The following PARP8 variants were observed in gnomAD, a reference collection of about 807,000 sequenced individuals.
PARP8 encodes the protein protein mono-ADP-ribosyltransferase PARP8.
A neutral mutation model predicts 124.1 loss-of-function variants in PARP8; 51 were observed. The observed-to-expected ratio is 0.41, with a 90% confidence interval of 0.33 to 0.52. The LOEUF (loss-of-function observed/expected upper bound fraction) is 0.52. PARP8 is among the 20% of genes least tolerant of loss of function. The probability of loss-of-function intolerance (pLI) is 0.21; values close to 1 mark genes in which losing one functional copy is unlikely to be tolerated. For synonymous variants in PARP8, 391 were observed against 361.5 expected (o/e 1.08, Z -0.93); for missense variants, 860 against 1,018.9 (o/e 0.84, Z 2.12).
intron 14 of PARP8, among the ~76,000 whole-genome samples, chr5:50,812,878 A>C (rs1481142521): frequency 6.6e-6 from 1 of 152,052 alleles, no homozygotes; most frequent in East Asian, 1.9e-4. Context: ...TGTTTTTGTC[A>C]GGTTTGTCAA....
At chr5:50,712,956 A>G (rs1372465346) in intron 2 of PARP8, among the ~76,000 whole-genome samples, 3 of 151,926 alleles carry the variant, frequency 2.0e-5, no homozygotes, top group Non-Finnish European at 2.9e-5. Flanking sequence ...AACTCAATAC[A>G]GAGATGTAAT....
intron 6 of PARP8, 53 bp downstream of exon 6, chr5:50,761,951 T>C: frequency 8.4e-7 from 1 of 1,189,404 alleles, no homozygotes. Context: ...AATAGCCATG[T>C]TGTCCTAGTG....
In PARP8 at chr5:50,827,945, A is replaced by G. The variant is rs762063340; in HGVS notation, c.1979A>G (p.Gln660Arg). Residue 660 changes from glutamine to arginine, a missense_variant and splice_region_variant, in exon 20 of 26, where the codon CAA becomes CGA. Physicochemically the swap from Gln to Arg is conservative, Grantham distance 43. This residue lies in a region of PARP8 where 343 missense variants were observed against 474.7 expected (regional missense o/e 0.72). Coordinates refer to ENST00000281631, the MANE Select transcript of PARP8 (RefSeq NM_024615.4). ...SHIVKLPVNRQLKFMHTPHQF... is the reference protein window; with the variant it reads ...SHIVKLPVNRRLKFMHTPHQF... Reference sequence around the variant, plus strand: ...GTTTGTCTTTATCTTAAATGGCAGCAATTGAAGTTTATGCATACTCCACAT... The same window carrying G: ...GTTTGTCTTTATCTTAAATGGCAGCGATTGAAGTTTATGCATACTCCACAT... 1.2e-5 allele frequency: 19 copies of G among 1,599,878 alleles called. No individual in the cohort carries two copies. The highest frequency in any genetic ancestry group is 1.5e-5 in the Non-Finnish European group (18 of 1,167,648).
chr5:50,787,347 C>T (rs1741375158), intron 9 of PARP8, among the ~76,000 whole-genome samples: 1 of 152,004 alleles, frequency 6.6e-6, no homozygotes, highest in African/African-American at 2.4e-5. Flanking sequence ...CTTGTTCAGT[C>T]CTCTCCCTAC....
chr5:50,788,407 T>G (rs1192568174), intron 9 of PARP8, 116 bp from the exon 10 acceptor site: 3 of 829,076 alleles, frequency 3.6e-6, no homozygotes, highest in Non-Finnish European at 5.9e-6. Context: ...ATGTACACTG[T>G]TTTTAAATGT....
intron 7 of PARP8, among the ~76,000 whole-genome samples, chr5:50,765,909 T>C (rs1761010371): frequency 6.6e-6 from 1 of 152,198 alleles, no homozygotes; most frequent in African/African-American, 2.4e-5. Context: ...TTTTACCTAA[T>C]TGGGGCTTAC....
chr5:50,764,958 T>A (rs1341909825), intron 7 of PARP8, among the ~76,000 whole-genome samples: 4 of 152,114 alleles, frequency 2.6e-5, no homozygotes, highest in Non-Finnish European at 5.9e-5. Context: ...AACTTCTTTT[T>A]TTTTGAAATA....
chr5:50,723,514 G>T (rs1288849315), intron 2 of PARP8, among the ~76,000 whole-genome samples: 2 of 151,954 alleles, frequency 1.3e-5, no homozygotes, highest in Admixed American at 1.3e-4. Context: ...GTGTGTGGTT[G>T]ATTTGTATTT....
chr5:50,715,146 C>T (rs1755166599), intron 2 of PARP8, among the ~76,000 whole-genome samples: 1 of 152,038 alleles, frequency 6.6e-6, no homozygotes, highest in Non-Finnish European at 1.5e-5. Flanking sequence ...CACTTCAGCA[C>T]TCTCAAAAGA....
chr5:50,747,115 TCTACTCATCTACTTATTCAGTTATGG>T, intron 2 of PARP8, among the ~76,000 whole-genome samples: 1 of 151,530 alleles, frequency 6.6e-6, no homozygotes, highest in South Asian at 2.1e-4. Flanking sequence ...ATACTTCTTT[TCTACTCATCTACTTATTCAGTTATGG>T]TTTTTTTTGT....
At chr5:50,805,878 A>T (rs937226830) in intron 14 of PARP8, among the ~76,000 whole-genome samples, 13 of 152,038 alleles carry the variant, frequency 8.6e-5, no homozygotes, top group African/African-American at 3.1e-4. Flanking sequence ...AATAACTGCA[A>T]TTTTGTCATT....
At chr5:50,838,356 A>G (rs1288309207) in intron 25 of PARP8, among the ~76,000 whole-genome samples, 1 of 152,092 alleles carries the variant, frequency 6.6e-6, no homozygotes, top group Non-Finnish European at 1.5e-5. Flanking sequence ...CCCCTAGAAT[A>G]TATCAAAAGG....
chr5:50,684,615 G>A (rs1316167957), intron 2 of PARP8, among the ~76,000 whole-genome samples: 1 of 152,068 alleles, frequency 6.6e-6, no homozygotes, highest in East Asian at 1.9e-4. Flanking sequence ...AATCACATGA[G>A]CCTGTCAGAG....
rs1235400974 is a variant in PARP8, at chr5:50,845,400, G to T, written c.*3332G>T. The T allele has an allele frequency of 2.0e-5, 3 of 151,564 alleles. No homozygotes were observed. Among genetic ancestry groups the T allele is most frequent in the Non-Finnish European group, 4.4e-5 (3 of 67,740 alleles). 9.4% of individuals were successfully genotyped at this position (151,564 alleles called of 1,614,324 possible). On this transcript the variant is annotated 3_prime_UTR_variant, in exon 26 of 26. Coordinates refer to ENST00000281631, the MANE Select transcript of PARP8 (RefSeq NM_024615.4). ...GGTCATCTACCGTCTAAATAAATACGGATTTCATGGTGGCATTTGAAGCAC... is the reference window on the plus strand; with the variant it reads ...GGTCATCTACCGTCTAAATAAATACTGATTTCATGGTGGCATTTGAAGCAC...
At chr5:50,818,130 G>T (rs1377014525) in intron 15 of PARP8, among the ~76,000 whole-genome samples, 1 of 148,720 alleles carries the variant, frequency 6.7e-6, no homozygotes, top group African/African-American at 2.5e-5. Context: ...ATTCTATTTA[G>T]AATCTTTAAT....
At chr5:50,670,950 A>C (rs1749941180) in intron 2 of PARP8, among the ~76,000 whole-genome samples, 1 of 152,216 alleles carries the variant, frequency 6.6e-6, no homozygotes, top group Non-Finnish European at 1.5e-5. Flanking sequence ...ATACGGTAAG[A>C]TTAATTTATT....
chr5:50,716,681 C>T (rs1313326000), intron 2 of PARP8, among the ~76,000 whole-genome samples: 1 of 151,916 alleles, frequency 6.6e-6, no homozygotes, highest in African/African-American at 2.4e-5. Context: ...AAAACAGTGG[C>T]CTGTGGTAGG....
intron 2 of PARP8, among the ~76,000 whole-genome samples, chr5:50,713,003 A>G (rs1754933080): frequency 6.6e-6 from 1 of 151,996 alleles, no homozygotes; most frequent in South Asian, 2.1e-4. Flanking sequence ...TTCTGTGGCA[A>G]TTAAAAGAGT....
intron 2 of PARP8, among the ~76,000 whole-genome samples, chr5:50,671,034 C>CACAG (rs910422320): frequency 2.6e-5 from 4 of 152,130 alleles, no homozygotes; most frequent in Non-Finnish European, 2.9e-5. Context: ...GTGGTTCTGC[C>CACAG]ACAGGTTCAG....
Sources: gnomAD v4.1 joint callset for allele counts (sites outside exome capture counted in the v4.1 genomes callset) on GRCh38, gnomAD v4.1.1 for gene constraint, gnomAD v4.1.1 regional missense constraint, MANE v1.5 for transcripts, NCBI Gene and HGNC (gene_info 2026-07-23, HGNC 2026-07-21) for gene names.